ZNF669: variants seen among roughly 807,000 people sequenced by gnomAD.
ZNF669 encodes the protein zinc finger protein 669.
Under a neutral mutation model 11.4 loss-of-function variants are expected in ZNF669, and 7 were observed. The ratio of observed to expected loss-of-function variants is 0.62; its 90% CI spans 0.35 to 1.16. The LOEUF is 1.16. Ranked by LOEUF, ZNF669 falls within the 50% of genes most tolerant of loss-of-function variation. The pLI, the probability that ZNF669 is intolerant of heterozygous loss-of-function variation, is 0.02. For missense variants in ZNF669, 492 were observed against 463.6 expected (o/e 1.06, Z -0.56); for synonymous variants, 153 against 155.8 (o/e 0.98, Z 0.13).
rs1196272678 is a variant in ZNF669 at position 247,102,037 on chromosome 1, T to C, written c.80A>G (p.Asn27Ser). Residue 27 changes from asparagine (N) to serine (S), a missense_variant, in exon 2 of 4, where the codon AAT becomes AGT. Transcript: ENST00000448299. ...EWALLDSSQK[N>S]LYREVMQETC... is the part of the protein sequence containing the mutation. Reference sequence around the variant, plus strand: ...TTCCTGCATCACTTCTCTGTAGAGATTCTTCTGAGAAGAATCTAGCAAAGC... The same window carrying C: ...TTCCTGCATCACTTCTCTGTAGAGACTCTTCTGAGAAGAATCTAGCAAAGC... 1.2e-6 allele frequency: 2 copies of C among 1,613,554 alleles called. No homozygotes were observed. The highest frequency in any genetic ancestry group is 1.7e-6 in the Non-Finnish European group (2 of 1,179,820).
At chr1:247,101,348 T>C in intron 3 of ZNF669, 29 bp from the exon 4 acceptor site, 1 of 1,522,230 alleles carries the variant, frequency 6.6e-7, no homozygotes, top group Non-Finnish European at 8.7e-7. Context: ...CACATTATTA[T>C]TGGTTGGTTT....
At chr1:247,104,040 G>T (rs766077181) in intron 1 of ZNF669, 157 bp downstream of exon 1, 5 of 1,226,616 alleles carry the variant, frequency 4.1e-6, no homozygotes, top group Non-Finnish European at 5.6e-6. Flanking sequence ...CGCCCCGCCC[G>T]GCCCGGCCCT....
intron 3 of ZNF669, 41 bp from the exon 4 acceptor site, chr1:247,101,360 T>C (rs199654603): frequency 1.2e-5 from 18 of 1,512,608 alleles, no homozygotes; most frequent in Non-Finnish European, 1.5e-5. Context: ...GGTTGGTTTA[T>C]TAATAACTTT....
chr1:247,104,244 A>G lies in ZNF669; in HGVS notation c.-45T>C, dbSNP rs1303295020. 4 of 1,495,008 alleles carry G rather than the reference A, an allele frequency of 2.7e-6. No homozygotes were observed. The highest frequency in any genetic ancestry group is 3.6e-6 in the Non-Finnish European group (4 of 1,124,218). 92.6% of individuals were successfully genotyped at this position (1,495,008 alleles called of 1,614,324 possible). A position where few individuals can be genotyped will look rare whatever the true frequency, so the allele number is the denominator to read the frequency against. On this transcript the variant is annotated 5_prime_UTR_variant, in exon 1 of 4. Transcript: ENST00000448299. The stretch of plus-strand genomic sequence containing the variant: ...CCTGGCGTCAGCTAGGGATGTCCCA[A>G]TACTCGCAGGTCACAGGGTGGCAGA...
At chr1:247,102,287 T>C (rs1671740821) in intron 1 of ZNF669, among the ~76,000 whole-genome samples, 174 bp from the exon 2 acceptor site, 1 of 152,244 alleles carries the variant, frequency 6.6e-6, no homozygotes, top group South Asian at 2.1e-4. Flanking sequence ...ACAGCAGTAC[T>C]AATGCTAGAA....
Position 247,100,876 on chromosome 1 carries a change from C to T in ZNF669, c.635G>A (p.Arg212Gln), listed in dbSNP as rs746058779. 6.2e-6 allele frequency: 10 copies of T among 1,614,144 alleles called. No homozygotes were observed. The highest frequency in any genetic ancestry group is 1.1e-5 in the South Asian group (1 of 91,080). Reference sequence around the variant, plus strand: ...GTAGGGTTTCTCTCCAGTGTGAGTTCGTTCATGTATTAGACAAGAACCGGA... The same window carrying T: ...GTAGGGTTTCTCTCCAGTGTGAGTTTGTTCATGTATTAGACAAGAACCGGA... The part of the protein sequence containing the change: ...TVSGSCLIHE[R>Q]THTGEKPYEC... The change falls in exon 4 of 4, where the codon CGA (arginine) becomes CAA (glutamine). Residue 212 changes from arginine to glutamine, a missense_variant. By Grantham distance (43) the Arg-to-Gln change is conservative. Transcript: ENST00000448299.
chr1:247,103,629 C>A (rs1243498196), intron 1 of ZNF669, among the ~76,000 whole-genome samples: 2 of 80,150 alleles, frequency 2.5e-5, no homozygotes, highest in Non-Finnish European at 4.4e-5. Flanking sequence ...GAGATTCCGT[C>A]TCCAAAAAAA....
Position 247,100,259 on chromosome 1 carries a change from C to T in ZNF669, c.*115G>A. On this transcript the variant is annotated 3_prime_UTR_variant, in exon 4 of 4. Transcript: ENST00000448299. ...TCGGCCTCCCAAAGTGCTGGGATTACAGGCGTAAGCCACCGTGCCCGGCAT... is the reference window on the plus strand; with the variant it reads ...TCGGCCTCCCAAAGTGCTGGGATTATAGGCGTAAGCCACCGTGCCCGGCAT... 1.4e-6 allele frequency: 1 copy of T among 691,494 alleles called. No homozygotes were observed. Among genetic ancestry groups the T allele is most frequent in the Non-Finnish European group, 2.4e-6 (1 of 422,236 alleles). The allele number at this position is 691,494 out of a possible 1,614,324, so 42.8% of individuals were successfully genotyped here.
intron 1 of ZNF669, chr1:247,103,838 G>A (rs573460873): frequency 1.5e-6 from 2 of 1,371,912 alleles, no homozygotes; most frequent in South Asian, 1.5e-5. Flanking sequence ...AGGTGGGACT[G>A]GAAGCCCCAT....
Position 247,101,384 on chromosome 1 carries a change from G to A in ZNF669, c.192-65C>T, listed in dbSNP as rs1671721944. ...ATTAATAACTTTCTACTTATTAATA[G>A]GTCTTGGACTTACACTGCTACCAAT... On this transcript the variant is annotated intron_variant, in intron 3 of 3. Coordinates refer to ENST00000448299, the MANE Select transcript of ZNF669 (RefSeq NM_001142572.2). The A allele has an allele frequency of 6.8e-6, 10 of 1,475,350 alleles. No homozygotes were observed. In the South Asian group the frequency reaches 8.3e-5, roughly 12 times the overall value. 91.4% of individuals were successfully genotyped at this position (1,475,350 alleles called of 1,614,324 possible). A position where few individuals can be genotyped will look rare whatever the true frequency, so the allele number is the denominator to read the frequency against.
Position 247,100,888 on chromosome 1 carries a change from A to G in ZNF669, c.623T>C (p.Leu208Pro). The change falls in exon 4 of 4, where the codon CTA becomes CCA. Residue 208 changes from leucine (L) to proline (P), a missense_variant. Leu to Pro is a moderately conservative substitution (Grantham distance 98). Coordinates refer to ENST00000448299, the MANE Select transcript of ZNF669 (RefSeq NM_001142572.2). ...TCCAGTGTGAGTTCGTTCATGTATT[A>G]GACAAGAACCGGAAACAGTGAATGC... ...GKAFTVSGSCLIHERTHTGEK... is the reference protein window; with the variant it reads ...GKAFTVSGSCPIHERTHTGEK... 1 of 1,614,120 alleles carries G rather than the reference A, an allele frequency of 6.2e-7. No individual in the cohort carries two copies. Among genetic ancestry groups the G allele is most frequent in the Non-Finnish European group, 8.5e-7 (1 of 1,180,020 alleles).
In ZNF669 at chr1:247,104,047, C is replaced by T. The variant is rs568408198; in HGVS notation, c.3+150G>A. Reference sequence around the variant, plus strand: ...CCGCTGCCCGCCCCGCCCGGCCCGGCCCTGAACAGAAGAGGACTGAGCCCC... The same window carrying T: ...CCGCTGCCCGCCCCGCCCGGCCCGGTCCTGAACAGAAGAGGACTGAGCCCC... On this transcript the variant is annotated intron_variant, in intron 1 of 3. Coordinates refer to ENST00000448299, the MANE Select transcript of ZNF669 (RefSeq NM_001142572.2). 54 of 1,583,568 alleles carry T rather than the reference C, an allele frequency of 3.4e-5. No homozygotes were observed. The East Asian group carries it at 5.8e-4, about 17-fold the overall frequency.
At chr1:247,103,848 T>C (rs2103086917) in intron 1 of ZNF669, 1 of 1,436,376 alleles carries the variant, frequency 7.0e-7, no homozygotes, top group Non-Finnish European at 9.2e-7. Flanking sequence ...GGAAGCCCCA[T>C]GAACCACAGC....
chr1:247,104,134 C>T (rs143103245), intron 1 of ZNF669, 63 bp downstream of exon 1: 234 of 1,586,012 alleles, frequency 1.5e-4, no homozygotes, highest in Non-Finnish European at 2.7e-5. Context: ...GCCCGAGTCG[C>T]GCCACAGCAG....
chr1:247,103,578 G>A lies in ZNF669; in HGVS notation c.3+619C>T, dbSNP rs1042894268. Among the ~76,000 whole-genome samples, 5 of 131,758 alleles carry A rather than the reference G, an allele frequency of 3.8e-5. 1 individual carries two copies. The highest frequency in any genetic ancestry group is 1.4e-4 in the African/African-American group (5 of 34,996). 86.4% of individuals were successfully genotyped at this position (131,758 alleles called of 152,430 possible). On this transcript the variant is annotated intron_variant, in intron 1 of 3. Coordinates refer to ENST00000448299, the MANE Select transcript of ZNF669 (RefSeq NM_001142572.2). ...GAACCCGGGAGTCAGAGGTTGCAAT[G>A]AGTGAGACTGCATCATTGCACTCCA... is the stretch of plus-strand genomic sequence containing the variant.
rs769891313 is a variant in ZNF669, at chr1:247,100,786, T to A, written c.725A>T (p.His242Leu). The A allele has an allele frequency of 1.2e-6, 2 of 1,613,986 alleles. No homozygotes were observed. Among genetic ancestry groups the A allele is most frequent in the Non-Finnish European group, 1.7e-6 (2 of 1,179,926 alleles). ...ACATTTATAGGGTCTTTCTCCAGTG[T>A]GAGTCCTTTCATGCGTCTTAAAAGA... Reference protein sequence around the residue: ...SCSFKTHERTHTGERPYKCTK... With the variant: ...SCSFKTHERTLTGERPYKCTK... The change falls in exon 4 of 4, where the codon CAC (histidine) becomes CTC (leucine). Residue 242 changes from histidine (H) to leucine (L), a missense_variant. By Grantham distance (99) the His-to-Leu change is moderately conservative. Coordinates refer to ENST00000448299, the MANE Select transcript of ZNF669 (RefSeq NM_001142572.2).
rs531706768 is a variant in ZNF669, at chr1:247,104,314, A to G, written c.-115T>C. Reference sequence around the variant, plus strand: ...GGGCCTCCCAGAGCCAAGAACTAGCAGCGGAGACTAACAGGAAGAGCCGGC... The same window carrying G: ...GGGCCTCCCAGAGCCAAGAACTAGCGGCGGAGACTAACAGGAAGAGCCGGC... On this transcript the variant is annotated 5_prime_UTR_variant, in exon 1 of 4. Transcript: ENST00000448299. 2 of 1,339,880 alleles carry G rather than the reference A, an allele frequency of 1.5e-6. No individual in the cohort carries two copies. Among genetic ancestry groups the G allele is most frequent in the East Asian group, 2.9e-5 (1 of 33,996 alleles). The allele number at this position is 1,339,880 out of a possible 1,614,324, so 83.0% of individuals were successfully genotyped here.
chr1:247,101,718 C>T lies in ZNF669; in HGVS notation c.191+13G>A. 6.2e-7 allele frequency: 1 copy of T among 1,612,476 alleles called. No homozygotes were observed. The highest frequency in any genetic ancestry group is 8.5e-7 in the Non-Finnish European group (1 of 1,179,056). ...TTCAGAGGACTTTATTTCCTCTGCTCAGTGCAAATTACCTTATATCTTTCC... is the reference window on the plus strand; with the variant it reads ...TTCAGAGGACTTTATTTCCTCTGCTTAGTGCAAATTACCTTATATCTTTCC... On this transcript the variant is annotated intron_variant, in intron 3 of 3. Coordinates refer to ENST00000448299, the MANE Select transcript of ZNF669 (RefSeq NM_001142572.2).
chr1:247,102,397 C>G (rs553168544), intron 1 of ZNF669, among the ~76,000 whole-genome samples: 1 of 152,308 alleles, frequency 6.6e-6, no homozygotes, highest in African/African-American at 2.4e-5. Flanking sequence ...AATTTCACTT[C>G]GTACATTTCT....
Sources: allele counts gnomAD v4.1 joint callset (sites outside exome capture counted in the v4.1 genomes callset), GRCh38; gene constraint gnomAD v4.1.1; transcripts MANE v1.5; gene names NCBI Gene and HGNC (gene_info 2026-07-23, HGNC 2026-07-21).